The following CRADD variants were observed in gnomAD, a reference collection of about 807,000 sequenced individuals.
CRADD encodes CARD and death domain containing adaptor protein.
CRADD carries 9 observed loss-of-function variants against 15.5 expected under a neutral mutation model. The observed-to-expected ratio is 0.58, with a 90% CI of 0.35 to 1.01. The LOEUF is 1.01. CRADD is among the 50% of genes least tolerant of loss of function. CRADD has a pLI of 0.02. For synonymous variants in CRADD, 118 were observed against 107.6 expected, an observed-to-expected ratio of 1.10 and a Z score of -0.60; for missense variants, 227 against 250.3, an observed-to-expected ratio of 0.91 and a Z score of 0.63.
At chr12:93,694,578 ACT>A (rs1474800505) in intron 2 of CRADD, among the ~76,000 whole-genome samples, 1 of 152,140 alleles carries the variant, frequency 6.6e-6, no homozygotes, top group African/African-American at 2.4e-5. Context: ...AACCCTAAAG[ACT>A]CTACCAAAAA....
intron 2 of CRADD, chr12:93,733,741 GTT>G (rs746205656): frequency 1.2e-4 from 16 of 137,192 alleles, no homozygotes; most frequent in Non-Finnish European, 1.1e-4. Context: ...TCCATCCTTT[GTT>G]TTTTTTTTTT....
At chr12:93,888,350 G>A (rs376463619) in intron 2 of CRADD, among the ~76,000 whole-genome samples, 5 of 151,738 alleles carry the variant, frequency 3.3e-5, no homozygotes, top group African/African-American at 7.3e-5. Context: ...GCATGAACCC[G>A]GGAGGCGGAG....
chr12:93,678,656 C>T, intron 1 of CRADD, 113 bp from the exon 2 acceptor site: 1 of 1,099,290 alleles, frequency 9.1e-7, no homozygotes, highest in Non-Finnish European at 1.3e-6. Context: ...ACCTGGCAGT[C>T]TGCTATGGTT....
chr12:93,828,603 C>T (rs1957853847), intron 2 of CRADD, among the ~76,000 whole-genome samples: 1 of 152,196 alleles, frequency 6.6e-6, no homozygotes, highest in Non-Finnish European at 1.5e-5. Flanking sequence ...ACTATCCTTT[C>T]TCCATTGAAC....
intron 2 of CRADD, among the ~76,000 whole-genome samples, chr12:93,893,134 G>A (rs1046436473): frequency 6.6e-6 from 1 of 152,140 alleles, no homozygotes; most frequent in African/African-American, 2.4e-5. Context: ...CTGCCAGTGT[G>A]AACAGGAGAA....
At chr12:93,849,353 A>G (rs1025485763) in intron 2 of CRADD, 2 of 152,338 alleles carry the variant, frequency 1.3e-5, no homozygotes, top group African/African-American at 4.8e-5. Context: ...GTAACCCTTC[A>G]TGTGTGTTTT....
At chr12:93,892,406 G>A (rs10859610) in intron 2 of CRADD, among the ~76,000 whole-genome samples, 12,647 of 152,172 alleles carry the variant, frequency 0.083, 673 homozygotes, top group East Asian at 0.29. Context: ...ATCTCACCCC[G>A]ATCCCAGCCC....
chr12:93,681,683 T>C (rs1482692184), intron 2 of CRADD, among the ~76,000 whole-genome samples: 1 of 152,192 alleles, frequency 6.6e-6, no homozygotes. Context: ...TACGATTGCC[T>C]TTAAAAACCC....
intron 2 of CRADD, among the ~76,000 whole-genome samples, chr12:93,818,019 G>T (rs117683415): frequency 6.6e-6 from 1 of 152,166 alleles, no homozygotes; most frequent in African/African-American, 2.4e-5. Flanking sequence ...CCTCAGCTTC[G>T]CAAACCAAGG....
At chr12:93,881,854 G>A (rs1278868478) in intron 2 of CRADD, among the ~76,000 whole-genome samples, 1 of 152,124 alleles carries the variant, frequency 6.6e-6, no homozygotes, top group African/African-American at 2.4e-5. Flanking sequence ...GGCTGGGCGG[G>A]GTGGCTTACC....
intron 2 of CRADD, among the ~76,000 whole-genome samples, chr12:93,683,129 G>A (rs921882515): frequency 5.3e-5 from 8 of 152,178 alleles, no homozygotes; most frequent in African/African-American, 1.9e-4. Flanking sequence ...TGTCGGCACT[G>A]ACAGGCTCCC....
rs115122182 is a variant in CRADD at position 93,889,234 on chromosome 12, T to C, written c.299-4816T>C. Among the ~76,000 whole-genome samples, 391 of 152,262 alleles carry C rather than the reference T, an allele frequency of 2.6e-3. 2 individuals carry two copies. The highest frequency in any genetic ancestry group is 0.014 in the Middle Eastern group (4 of 294). On this transcript the variant is annotated intron_variant, in intron 2 of 2. Transcript: ENST00000548483. ...AACAGGACATTCATTAACATGCCACTTTATGCCTTTTAGTCTCCCTATGTC... is the reference window on the plus strand; with the variant it reads ...AACAGGACATTCATTAACATGCCACCTTATGCCTTTTAGTCTCCCTATGTC...
At position 93,765,627 on chromosome 12, in the gene CRADD, G is replaced by A. The variant is rs192066733; in HGVS notation, c.299-84343G>A. On this transcript the variant is annotated intron_variant, in intron 2 of 2. Coordinates refer to ENST00000332896, the MANE Select transcript of CRADD (RefSeq NM_003805.5). ...TGCGCCCTCCTAGGATTGAGTTAGAGTTTGCAATATTAAAAGCACAACTCC... is the reference window on the plus strand; with the variant it reads ...TGCGCCCTCCTAGGATTGAGTTAGAATTTGCAATATTAAAAGCACAACTCC... Among the ~76,000 whole-genome samples, 334 of 152,228 alleles carry A rather than the reference G, an allele frequency of 2.2e-3. 2 individuals are homozygous for A. Among genetic ancestry groups the A allele is most frequent in the African/African-American group, 7.7e-3 (321 of 41,544 alleles).
At chr12:93,782,943 G>A (rs1460897839) in intron 2 of CRADD, among the ~76,000 whole-genome samples, 1 of 152,112 alleles carries the variant, frequency 6.6e-6, no homozygotes, top group Non-Finnish European at 1.5e-5. Context: ...GAAGCTTGGT[G>A]ATAGGTTTTT....
intron 2 of CRADD, among the ~76,000 whole-genome samples, chr12:93,690,140 A>G (rs191081766): frequency 6.6e-6 from 1 of 152,224 alleles, no homozygotes; most frequent in Non-Finnish European, 1.5e-5. Flanking sequence ...GTCATCTTCA[A>G]TCAAGTTTCT....
chr12:93,807,485 G>C (rs1337071141), intron 2 of CRADD, among the ~76,000 whole-genome samples: 1 of 152,142 alleles, frequency 6.6e-6, no homozygotes, highest in Non-Finnish European at 1.5e-5. Flanking sequence ...GAGGCAGCCA[G>C]CCCTCCAGCT....
chr12:93,815,348 A>G (rs1037116226), intron 2 of CRADD: 1 of 152,218 alleles, frequency 6.6e-6, no homozygotes, highest in African/African-American at 2.4e-5. Flanking sequence ...TGAGTCACTA[A>G]GCAACACACC....
chr12:93,864,492 A>T (rs1206564332), intron 2 of CRADD, among the ~76,000 whole-genome samples: 1 of 152,208 alleles, frequency 6.6e-6, no homozygotes, highest in Admixed American at 6.5e-5. Flanking sequence ...TGTCCCATAA[A>T]CATCATTTAT....
At chr12:93,827,894 C>A (rs1957842304) in intron 2 of CRADD, among the ~76,000 whole-genome samples, 1 of 152,202 alleles carries the variant, frequency 6.6e-6, no homozygotes, top group South Asian at 2.1e-4. Flanking sequence ...CCCCTTCCCC[C>A]AGTAGTGGTT....
Sources: allele counts gnomAD v4.1 joint callset (sites outside exome capture counted in the v4.1 genomes callset), GRCh38; gene constraint gnomAD v4.1.1; transcripts MANE v1.5; gene names NCBI Gene and HGNC (gene_info 2026-07-23, HGNC 2026-07-21).